Variants in RNF24 observed in about 807,000 individuals in gnomAD.
RNF24 encodes the protein ring finger protein 24.
In RNF24, 14 loss-of-function variants were observed where a neutral mutation model predicts 20.0. That is an observed-to-expected ratio of 0.70 (90% CI 0.46 to 1.10). The LOEUF (loss-of-function observed/expected upper bound fraction) is 1.10. Among genes scored for constraint, RNF24 ranks in the 50% least tolerant of loss-of-function variants. The pLI is 0.00. For synonymous variants in RNF24, 45 were observed against 61.1 expected (o/e 0.74, Z 1.23); for missense variants, 124 against 177.6 (o/e 0.70, Z 1.71).
chr20:3,949,577 G>A (rs1204278328), intron 2 of RNF24, among the ~76,000 whole-genome samples: 4 of 151,930 alleles, frequency 2.6e-5, no homozygotes, highest in African/African-American at 7.3e-5. Flanking sequence ...CCAGCTACTC[G>A]GGAGGCTGAG....
intron 4 of RNF24, among the ~76,000 whole-genome samples, chr20:3,938,700 G>T (rs910172657): frequency 6.6e-6 from 1 of 152,070 alleles, no homozygotes; most frequent in Admixed American, 6.6e-5. Context: ...GTCCCTGTGG[G>T]TTGCCTTCAC....
At chr20:3,990,868 C>A (rs1248809186) in intron 1 of RNF24, among the ~76,000 whole-genome samples, 3 of 151,528 alleles carry the variant, frequency 2.0e-5, no homozygotes, top group Non-Finnish European at 4.4e-5. Flanking sequence ...AGAGCAAGAT[C>A]CTGTCTCTAA....
At chr20:3,954,679 T>C (rs191813224) in intron 2 of RNF24, among the ~76,000 whole-genome samples, 71 of 149,986 alleles carry the variant, frequency 4.7e-4, no homozygotes, top group South Asian at 4.6e-3. Flanking sequence ...CTGAGGCAGG[T>C]GGATCATGAG....
At chr20:3,961,024 C>T (rs2091196301) in intron 2 of RNF24, among the ~76,000 whole-genome samples, 1 of 152,062 alleles carries the variant, frequency 6.6e-6, no homozygotes, top group African/African-American at 2.4e-5. Context: ...AACTCCTGAC[C>T]TCAAGTGATC....
At chr20:3,986,165 C>T (rs1378777040) in intron 1 of RNF24, among the ~76,000 whole-genome samples, 1 of 152,086 alleles carries the variant, frequency 6.6e-6, no homozygotes, top group Non-Finnish European at 1.5e-5. Flanking sequence ...CTCATGTTCC[C>T]TTTGTTTTTT....
chr20:3,996,837 G>C (rs561088117), intron 1 of RNF24, among the ~76,000 whole-genome samples: 61 of 152,294 alleles, frequency 4.0e-4, no homozygotes, highest in African/African-American at 1.4e-3. Flanking sequence ...GGAGGGCAGA[G>C]TGGTAAGAGA....
intron 2 of RNF24, among the ~76,000 whole-genome samples, chr20:3,955,256 C>T (rs1030139289): frequency 1.3e-5 from 2 of 152,150 alleles, no homozygotes; most frequent in East Asian, 3.8e-4. Flanking sequence ...GTATTAAACC[C>T]TTATCAGATA....
chr20:3,974,309 A>C (rs755701464), intron 1 of RNF24: 1 of 1,549,408 alleles, frequency 6.5e-7, no homozygotes, highest in South Asian at 1.2e-5. Flanking sequence ...ATTATTCTTA[A>C]TTGTGAAAGA....
At chr20:3,976,976 G>T (rs6084537) in intron 1 of RNF24, among the ~76,000 whole-genome samples, 1 of 152,090 alleles carries the variant, frequency 6.6e-6, no homozygotes, top group Non-Finnish European at 1.5e-5. Flanking sequence ...GTAGCTGCAT[G>T]TGAGTCTATA....
intron 2 of RNF24, among the ~76,000 whole-genome samples, chr20:3,954,603 G>A (rs1011338914): frequency 6.6e-6 from 1 of 152,104 alleles, no homozygotes; most frequent in Non-Finnish European, 1.5e-5. Context: ...GGGTCACATG[G>A]TTTAATATTT....
At chr20:3,955,832 TAA>T (rs2091135723) in intron 2 of RNF24, among the ~76,000 whole-genome samples, 1 of 152,218 alleles carries the variant, frequency 6.6e-6, no homozygotes, top group African/African-American at 2.4e-5. Context: ...TTTCAGGGTA[TAA>T]GTCTTTCACT....
intron 1 of RNF24, among the ~76,000 whole-genome samples, chr20:3,986,640 T>G (rs1979938358): frequency 6.6e-6 from 1 of 151,696 alleles, no homozygotes; most frequent in Admixed American, 6.6e-5. Context: ...TGAGTGTGCA[T>G]GCAGTATAAT....
chr20:4,008,361 ATATATATAT>A, intron 1 of RNF24, among the ~76,000 whole-genome samples: 1 of 20,528 alleles, frequency 4.9e-5, no homozygotes, highest in Non-Finnish European at 1.1e-4. Flanking sequence ...AATATGTATA[ATATATATAT>A]TATATATATA....
At chr20:4,010,336 G>C (rs1303426611) in intron 1 of RNF24, among the ~76,000 whole-genome samples, 1 of 152,148 alleles carries the variant, frequency 6.6e-6, no homozygotes, top group African/African-American at 2.4e-5. Flanking sequence ...TTGCACCACT[G>C]TACTCCAGCC....
At chr20:4,000,291 A>G (rs574989251) in intron 1 of RNF24, among the ~76,000 whole-genome samples, 3 of 152,322 alleles carry the variant, frequency 2.0e-5, no homozygotes, top group Non-Finnish European at 4.4e-5. Flanking sequence ...TGGGAGGCCG[A>G]GGTGGGTGGG....
In RNF24 at chr20:3,956,169, C is replaced by T. The variant is rs528917794; in HGVS notation, c.143+7706G>A. Among the ~76,000 whole-genome samples, 14 of 151,560 alleles carry T rather than the reference C, an allele frequency of 9.2e-5. No homozygotes were observed. The South Asian group carries it at 2.7e-3, about 29-fold the overall frequency. On this transcript the variant is annotated intron_variant, in intron 2 of 5. Transcript: ENST00000358395. ...CTAGAACTTCCAGTACAATGCTGAA[C>T]AGTAGTGGTAAAGTGGGCATTCTTA...
At chr20:3,938,980 T>G (rs1450961126) in intron 4 of RNF24, among the ~76,000 whole-genome samples, 1 of 152,140 alleles carries the variant, frequency 6.6e-6, no homozygotes, top group Non-Finnish European at 1.5e-5. Context: ...CTCAAACTCC[T>G]GAGCTCAAGC....
At chr20:4,014,737 G>GCACA (rs1491447733) in intron 1 of RNF24, among the ~76,000 whole-genome samples, 2 of 106,350 alleles carry the variant, frequency 1.9e-5, no homozygotes, top group African/African-American at 8.7e-5. Context: ...TCACTTGAAT[G>GCACA]CGCACACACA....
chr20:3,963,377 G>A (rs1354693605), intron 2 of RNF24, among the ~76,000 whole-genome samples: 2 of 151,962 alleles, frequency 1.3e-5, no homozygotes. Context: ...ATTTTTGGTA[G>A]AGACGGAGTT....
Sources: allele counts gnomAD v4.1 joint callset (sites outside exome capture counted in the v4.1 genomes callset), GRCh38; gene constraint gnomAD v4.1.1; transcripts MANE v1.5; gene names NCBI Gene and HGNC (gene_info 2026-07-23, HGNC 2026-07-21).